The following CRYBG1 variants were observed in gnomAD, a reference collection of about 807,000 sequenced individuals.
CRYBG1 encodes crystallin beta-gamma domain containing 1.
In CRYBG1, 139 loss-of-function variants were observed where a neutral mutation model predicts 189.2. That is an observed-to-expected ratio of 0.73 (90% confidence interval 0.64 to 0.85). CRYBG1 has a LOEUF of 0.85. CRYBG1 is among the 40% of genes least tolerant of loss of function. The probability of loss-of-function intolerance (pLI) is 0.00; values close to 1 mark genes in which losing one functional copy is unlikely to be tolerated. For missense variants in CRYBG1, 2,611 were observed against 2,675.8 expected, an observed-to-expected ratio of 0.98 and a Z score of 0.53; for synonymous variants, 1,023 against 1,017.1, an observed-to-expected ratio of 1.01 and a Z score of -0.11.
intron 1 of CRYBG1, among the ~76,000 whole-genome samples, chr6:106,409,050 G>C (rs894127096): frequency 6.7e-6 from 1 of 149,918 alleles, no homozygotes; most frequent in Non-Finnish European, 1.5e-5. Flanking sequence ...AAGAAATAAA[G>C]TGTATTCAAA....
At chr6:106,368,193 C>G (rs1209454232) in intron 1 of CRYBG1, among the ~76,000 whole-genome samples, 2 of 152,010 alleles carry the variant, frequency 1.3e-5, no homozygotes, top group African/African-American at 4.8e-5. Context: ...GCAGGTGGAT[C>G]ACTTACTTGA....
chr6:106,518,973 G>GCA (rs1193845182), intron 3 of CRYBG1, among the ~76,000 whole-genome samples, 158 bp from the exon 4 acceptor site: 111 of 41,734 alleles, frequency 2.7e-3, no homozygotes, highest in African/African-American at 0.012. Context: ...ACACATGTGT[G>GCA]CGCACACACA....
intron 13 of CRYBG1, 52 bp from the exon 14 acceptor site, chr6:106,551,800 C>A: frequency 7.7e-6 from 12 of 1,562,010 alleles, no homozygotes; most frequent in South Asian, 1.2e-5. Context: ...AATATGTGAT[C>A]GTTTTATATG....
intron 1 of CRYBG1, among the ~76,000 whole-genome samples, chr6:106,427,042 CTTT>C (rs1771240517): frequency 6.6e-6 from 1 of 152,152 alleles, no homozygotes; most frequent in African/African-American, 2.4e-5. Flanking sequence ...CATGAACTCT[CTTT>C]TTGCCTCTTT....
In CRYBG1 at chr6:106,407,747, C is replaced by A. The variant is rs141866557; in HGVS notation, c.174-43947C>A. The stretch of plus-strand genomic sequence containing the variant: ...CTCTAAAAAACACAACTACATGGAA[C>A]CTGAACAACCTGCTCCTGAATGACT... On this transcript the variant is annotated intron_variant, in intron 1 of 21. Coordinates refer to ENST00000633556, the MANE Select transcript of CRYBG1 (RefSeq NM_001371242.2). 1.3e-4 allele frequency among the ~76,000 whole-genome samples: 20 copies of A among 152,194 alleles called. No individual in the cohort carries two copies. In the East Asian group the frequency reaches 3.9e-3, roughly 29 times the overall value.
At chr6:106,385,604 T>C (rs972627817) in intron 1 of CRYBG1, among the ~76,000 whole-genome samples, 6 of 152,204 alleles carry the variant, frequency 3.9e-5, no homozygotes, top group Non-Finnish European at 7.3e-5. Flanking sequence ...ATGCACATCC[T>C]CCTGAAAACT....
rs1327289596 is a variant in CRYBG1, at chr6:106,544,560, T to G, written c.5040-11T>G. On this transcript the variant is annotated splice_polypyrimidine_tract_variant and intron_variant, in intron 11 of 21. Coordinates refer to ENST00000633556, the MANE Select transcript of CRYBG1 (RefSeq NM_001371242.2). ...TGGAAATGACTACTCCTCGTGTTCTTTATGTTGCAGTTGGGTTGCATATGA... is the reference window on the plus strand; with the variant it reads ...TGGAAATGACTACTCCTCGTGTTCTGTATGTTGCAGTTGGGTTGCATATGA... 10 of 1,612,240 alleles carry G rather than the reference T, an allele frequency of 6.2e-6. No individual in the cohort carries two copies. Among genetic ancestry groups the G allele is most frequent in the Non-Finnish European group, 8.5e-6 (10 of 1,179,290 alleles).
At chr6:106,383,802 T>A (rs1459060120) in intron 1 of CRYBG1, among the ~76,000 whole-genome samples, 1 of 152,214 alleles carries the variant, frequency 6.6e-6, no homozygotes, top group African/African-American at 2.4e-5. Context: ...TCATATGCAA[T>A]CTCCTAAGTG....
At chr6:106,541,426 T>A in intron 9 of CRYBG1, 160 bp from the exon 10 acceptor site, 1 of 734,952 alleles carries the variant, frequency 1.4e-6, no homozygotes, top group Non-Finnish European at 2.4e-6. Flanking sequence ...CGTGTCTTCA[T>A]CTGTATTGTT....
chr6:106,544,998 A>C lies in CRYBG1; in HGVS notation c.5312+65A>C, dbSNP rs146646602. 589 of 1,403,650 alleles carry C rather than the reference A, an allele frequency of 4.2e-4. 1 individual carries two copies. The African/African-American group carries it at 7.4e-3, about 18-fold the overall frequency. The allele number at this position is 1,403,650 out of a possible 1,614,324, so 86.9% of individuals were successfully genotyped here. On this transcript the variant is annotated intron_variant, in intron 13 of 21. Transcript: ENST00000633556. ...TTACCTTGGTTTGTTTTAAACTGGT[A>C]AGAGTCTATCACAGAGTAGGCATTC...
intron 1 of CRYBG1, among the ~76,000 whole-genome samples, chr6:106,415,113 CATT>C (rs1770998344): frequency 6.6e-6 from 1 of 152,084 alleles, no homozygotes; most frequent in Admixed American, 6.5e-5. Flanking sequence ...TTGTGGTTGT[CATT>C]AATATGCAAA....
chr6:106,527,496 A>T (rs1474466066), intron 7 of CRYBG1, 26 bp downstream of exon 7: 1 of 1,591,296 alleles, frequency 6.3e-7, no homozygotes, highest in South Asian at 1.1e-5. Flanking sequence ...TATGGATTTT[A>T]TTTATTCAGC....
At chr6:106,382,854 A>G (rs1770311945) in intron 1 of CRYBG1, among the ~76,000 whole-genome samples, 1 of 152,218 alleles carries the variant, frequency 6.6e-6, no homozygotes, top group Admixed American at 6.5e-5. Flanking sequence ...ATTAACTATA[A>G]CATTACCTGA....
At chr6:106,546,068 T>C (rs1040755918) in intron 13 of CRYBG1, among the ~76,000 whole-genome samples, 3 of 152,204 alleles carry the variant, frequency 2.0e-5, no homozygotes, top group African/African-American at 7.2e-5. Flanking sequence ...CATGTGCACA[T>C]GCCTGAACCA....
At chr6:106,368,476 A>G (rs1232883760) in intron 1 of CRYBG1, among the ~76,000 whole-genome samples, 1 of 152,178 alleles carries the variant, frequency 6.6e-6, no homozygotes, top group Non-Finnish European at 1.5e-5. Context: ...AGTTTTCAAG[A>G]TACAGGATGT....
intron 1 of CRYBG1, among the ~76,000 whole-genome samples, chr6:106,428,606 T>C (rs1390976387): frequency 6.6e-6 from 1 of 152,226 alleles, no homozygotes. Context: ...TCATCCTTAT[T>C]CTACAGGTGA....
intron 1 of CRYBG1, among the ~76,000 whole-genome samples, chr6:106,425,232 A>G (rs1447660734): frequency 6.6e-6 from 1 of 152,088 alleles, no homozygotes; most frequent in Non-Finnish European, 1.5e-5. Context: ...ATGAGGAGTA[A>G]CACCTGAGCC....
chr6:106,397,992 T>C (rs563859588), intron 1 of CRYBG1, among the ~76,000 whole-genome samples: 1 of 152,308 alleles, frequency 6.6e-6, no homozygotes, highest in Admixed American at 6.5e-5. Flanking sequence ...ACTCATCTTA[T>C]AGTTTATCAA....
chr6:106,420,712 T>A (rs1263948439), intron 1 of CRYBG1: 3 of 153,130 alleles, frequency 2.0e-5, no homozygotes, highest in Non-Finnish European at 4.4e-5. Context: ...GTCTGGCTGG[T>A]CTGAGTGCAG....
Sources: allele counts gnomAD v4.1 joint callset (sites outside exome capture counted in the v4.1 genomes callset), GRCh38; gene constraint gnomAD v4.1.1; transcripts MANE v1.5; gene names NCBI Gene and HGNC (gene_info 2026-07-23, HGNC 2026-07-21).